Variants in KCNQ2 observed in about 807,000 individuals in gnomAD.
The protein encoded by KCNQ2 is potassium voltage-gated channel subfamily KQT member 2.
In KCNQ2, 14 loss-of-function variants were observed where a neutral mutation model predicts 84.8. The observed-to-expected ratio is 0.17, with a 90% CI of 0.11 to 0.26. The LOEUF is 0.26. Among genes scored for constraint, KCNQ2 ranks in the 10% least tolerant of loss-of-function variants. The pLI, the probability that KCNQ2 is intolerant of heterozygous loss-of-function variation, is 1.00. For synonymous variants in KCNQ2, 599 were observed against 554.1 expected, an observed-to-expected ratio of 1.08 and a Z score of -1.14; for missense variants, 788 against 1,254.0, an observed-to-expected ratio of 0.63 and a Z score of 5.61.
rs2080350695 is a variant in KCNQ2, at chr20:63,418,045, C to G, written c.1301+1574G>C. On this transcript the variant is annotated intron_variant, in intron 12 of 16. Coordinates refer to ENST00000359125, the MANE Select transcript of KCNQ2 (RefSeq NM_172107.4). ...GCGCGACCTGGACATGTCCTTCCCT[C>G]CCCTGGACCTCCACCATGACCCAAA... 3.9e-5 allele frequency among the ~76,000 whole-genome samples: 6 copies of G among 152,310 alleles called. No individual in the cohort carries two copies. The South Asian group carries it at 1.2e-3, about 32-fold the overall frequency.
At chr20:63,467,641 C>G (rs73918934) in intron 1 of KCNQ2, among the ~76,000 whole-genome samples, 1,779 of 152,298 alleles carry the variant, frequency 0.012, 31 homozygotes, top group African/African-American at 0.041. Context: ...CAGGGACTAA[C>G]GGAGATCCAT....
chr20:63,466,626 A>G (rs1406699773), intron 1 of KCNQ2: 1 of 152,248 alleles, frequency 6.6e-6, no homozygotes, highest in East Asian at 1.9e-4. Context: ...AGTGACTCAC[A>G]CGTTGAATCC....
At position 63,438,163 on chromosome 20, in the gene KCNQ2, G is replaced by A; in HGVS notation, c.1023+462C>T. 4.4e-6 allele frequency: 1 copy of A among 226,318 alleles called. No individual in the cohort carries two copies. Among genetic ancestry groups the A allele is most frequent in the Non-Finnish European group, 9.0e-6 (1 of 111,458 alleles). 14.0% of individuals were successfully genotyped at this position (226,318 alleles called of 1,614,324 possible). On this transcript the variant is annotated intron_variant, in intron 7 of 16. Coordinates refer to ENST00000359125, the MANE Select transcript of KCNQ2 (RefSeq NM_172107.4). The surrounding 1 kb of genome is among the most constrained non-coding windows in gnomAD (Gnocchi z 5.1). ...GGAATTACTTGTGGATGCCACAGTG[G>A]TCACTGCACGCTACCCACCCCCAAA...
At chr20:63,428,836 C>T (rs1317279442) in intron 9 of KCNQ2, among the ~76,000 whole-genome samples, 2 of 152,160 alleles carry the variant, frequency 1.3e-5, no homozygotes, top group African/African-American at 2.4e-5. Context: ...TTTAGGGCCC[C>T]GGCCCCTCTC....
At chr20:63,423,769 C>T in intron 11 of KCNQ2, 1 of 249,706 alleles carries the variant, frequency 4.0e-6, no homozygotes, top group Non-Finnish European at 7.8e-6. Flanking sequence ...GCCAGAGGCC[C>T]ACTTGGAGCT....
At position 63,446,642 on chromosome 20, in the gene KCNQ2, T is replaced by C. The variant is rs2081434707; in HGVS notation, c.387+105A>G. The C allele has an allele frequency of 3.2e-6, 3 of 930,838 alleles. 1 individual carries two copies. Among genetic ancestry groups the C allele is most frequent in the Admixed American group, 3.6e-5 (2 of 55,460 alleles). The allele number at this position is 930,838 out of a possible 1,614,324, so 57.7% of individuals were successfully genotyped here. ...ACAAAGACATGGCCAGAGCTGGGGCTGGGGGCGTCAGAGGCCCTGTAGTAA... is the reference window on the plus strand; with the variant it reads ...ACAAAGACATGGCCAGAGCTGGGGCCGGGGGCGTCAGAGGCCCTGTAGTAA... On this transcript the variant is annotated intron_variant, in intron 2 of 16. Coordinates refer to ENST00000359125, the MANE Select transcript of KCNQ2 (RefSeq NM_172107.4). This position sits in a 1 kb window ranked among gnomAD's most constrained non-coding sequence, Gnocchi z 5.5.
chr20:63,440,154 C>A (rs1206834981), intron 5 of KCNQ2, among the ~76,000 whole-genome samples: 1 of 152,110 alleles, frequency 6.6e-6, no homozygotes, highest in Non-Finnish European at 1.5e-5. Context: ...CAGGAGGAGG[C>A]CACCACAAGA....
intron 10 of KCNQ2, among the ~76,000 whole-genome samples, chr20:63,426,534 C>T (rs904581453): frequency 2.6e-5 from 4 of 151,234 alleles, no homozygotes; most frequent in Non-Finnish European, 4.4e-5. Context: ...TTTGGCGGAT[C>T]GGCCAGGTGC....
chr20:63,418,103 C>G (rs1269030959), intron 12 of KCNQ2, among the ~76,000 whole-genome samples: 1 of 152,240 alleles, frequency 6.6e-6, no homozygotes, highest in Non-Finnish European at 1.5e-5. Flanking sequence ...TGGTGAGGCT[C>G]CATGCTGCAG....
In KCNQ2 at chr20:63,415,023, C is replaced by T. The variant is rs781778855; in HGVS notation, c.1405G>A (p.Ala469Thr). 1.2e-5 allele frequency: 20 copies of T among 1,609,898 alleles called. No homozygotes were observed. The highest frequency in any genetic ancestry group is 2.2e-5 in the East Asian group (1 of 44,854). Residue 469 changes from alanine to threonine, a missense_variant, in exon 13 of 17, where the codon GCC (alanine) becomes ACC (threonine). Ala to Thr is a moderately conservative substitution (Grantham distance 58). Transcript: ENST00000359125. ...QAQTVRRSPS[A>T]DQSLEDSPSK... ...GGGCTGTCCTCGAGGCTCTGGTCGGCGCTGGGTGACCGCCTCACAGTCTGG... is the reference window on the plus strand; with the variant it reads ...GGGCTGTCCTCGAGGCTCTGGTCGGTGCTGGGTGACCGCCTCACAGTCTGG...
intron 5 of KCNQ2, among the ~76,000 whole-genome samples, chr20:63,441,261 G>A (rs2081154180): frequency 6.7e-6 from 1 of 150,060 alleles, no homozygotes; most frequent in Non-Finnish European, 1.5e-5. Context: ...GGGAAACTGG[G>A]GGTAGATCTC....
At chr20:63,432,799 GCCCCACC>G (rs2080864630) in intron 8 of KCNQ2, among the ~76,000 whole-genome samples, 2 of 132,094 alleles carry the variant, frequency 1.5e-5, no homozygotes, top group African/African-American at 2.6e-5. Context: ...CTCAGGGAAG[GCCCCACC>G]CTCAGGGAAG....
Position 63,400,923 on chromosome 20 carries a change from C to T in KCNQ2, c.*5721G>A, listed in dbSNP as rs2079796784. 2.5e-6 allele frequency: 1 copy of T among 398,242 alleles called. No homozygotes were observed. Among genetic ancestry groups the T allele is most frequent in the Admixed American group, 4.4e-5 (1 of 22,738 alleles). The allele number at this position is 398,242 out of a possible 1,614,324, so 24.7% of individuals were successfully genotyped here. ...GCACAGCCAGGGGGCATGGGGCGAC[C>T]TCAGGGAGTTCCTGTCCACATGCAT... On this transcript the variant is annotated 3_prime_UTR_variant, in exon 17 of 17. Transcript: ENST00000359125. The surrounding 1 kb of genome is among the most constrained non-coding windows in gnomAD (Gnocchi z 8.7).
At chr20:63,457,182 G>A (rs1229010884) in intron 1 of KCNQ2, among the ~76,000 whole-genome samples, 2 of 152,244 alleles carry the variant, frequency 1.3e-5, no homozygotes, top group African/African-American at 4.8e-5. Flanking sequence ...GGGCTGGAGG[G>A]GACAAGGGCC....
chr20:63,406,385 A>C lies in KCNQ2; in HGVS notation c.*259T>G. 2.0e-6 allele frequency: 1 copy of C among 507,934 alleles called. No homozygotes were observed. Among genetic ancestry groups the C allele is most frequent in the Non-Finnish European group, 3.5e-6 (1 of 283,354 alleles). 31.5% of individuals were successfully genotyped at this position (507,934 alleles called of 1,614,324 possible). ...GGCCGCGGCCCTGAGCAGAGTGGAC[A>C]GGGCAGCCTTGCTCCTGCACGCTGC... is the stretch of plus-strand genomic sequence containing the variant. On this transcript the variant is annotated 3_prime_UTR_variant, in exon 17 of 17. Transcript: ENST00000359125.
In KCNQ2 at chr20:63,419,672, A is replaced by G. The variant is rs1397227137; in HGVS notation, c.1248T>C (p.Ser416=). The G allele has an allele frequency of 6.2e-7, 1 of 1,610,342 alleles. No individual in the cohort carries two copies. Among genetic ancestry groups the G allele is most frequent in the Admixed American group, 1.7e-5 (1 of 59,648 alleles). ...RKDPPPEPSP[S]KGSPCRGPLC... is the part of the protein sequence containing the mutation. ...GGGGCCCTCTGCACGGGCTGCCTTTACTGGAAATGAGGAGAGCACAGTTAG... is the reference window on the plus strand; with the variant it reads ...GGGGCCCTCTGCACGGGCTGCCTTTGCTGGAAATGAGGAGAGCACAGTTAG... The change falls in exon 12 of 17, where the codon AGT becomes AGC. Residue 416 remains serine (S), a splice_region_variant and synonymous_variant. Transcript: ENST00000359125.
chr20:63,412,226 C>G (rs1041824763), intron 15 of KCNQ2: 1 of 244,742 alleles, frequency 4.1e-6, no homozygotes, highest in East Asian at 1.1e-4. Flanking sequence ...TGTCAGGAGC[C>G]GGCCGAGGAC....
rs1017972751 is a variant in KCNQ2 at position 63,406,670 on chromosome 20, C to G, written c.2593G>C (p.Val865Leu). ...CACTTCCTGGGCCCGGCCCAGCCCACGTCACCAAAGGGACCCTCGCCGGTG... is the reference window on the plus strand; with the variant it reads ...CACTTCCTGGGCCCGGCCCAGCCCAGGTCACCAAAGGGACCCTCGCCGGTG... ...SATGEGPFGD[V>L]GWAGPRK Residue 865 changes from valine to leucine, a missense_variant, in exon 17 of 17, where the codon GTG (valine) becomes CTG (leucine). Coordinates refer to ENST00000359125, the MANE Select transcript of KCNQ2 (RefSeq NM_172107.4). 3 of 1,599,726 alleles carry G rather than the reference C, an allele frequency of 1.9e-6. No homozygotes were observed. The highest frequency in any genetic ancestry group is 2.6e-6 in the Non-Finnish European group (3 of 1,175,948).
intron 1 of KCNQ2, among the ~76,000 whole-genome samples, chr20:63,453,265 C>T (rs1415708429): frequency 2.0e-5 from 3 of 152,370 alleles, no homozygotes; most frequent in East Asian, 1.9e-4. Context: ...GGCACTCGGC[C>T]CCGCCCACGT....
Sources: gnomAD v4.1 joint callset for allele counts (sites outside exome capture counted in the v4.1 genomes callset) on GRCh38, gnomAD v4.1.1 for gene constraint, Gnocchi (gnomAD v3.1) non-coding constraint, MANE v1.5 for transcripts, NCBI Gene and HGNC (gene_info 2026-07-23, HGNC 2026-07-21) for gene names.